Variants in PCP4 observed in about 807,000 individuals in gnomAD.
PCP4 encodes the protein Purkinje cell protein 4.
Under a neutral mutation model 10.0 loss-of-function variants are expected in PCP4, and 8 were observed. That is an observed-to-expected ratio of 0.80 (90% confidence interval 0.47 to 1.45). PCP4 has a LOEUF of 1.45. Ranked by LOEUF, PCP4 falls within the 40% of genes most tolerant of loss-of-function variation. PCP4 has a pLI of 0.00. For missense variants in PCP4, 54 were observed against 74.4 expected, an observed-to-expected ratio of 0.73 and a Z score of 1.01; for synonymous variants, 21 against 23.0, an observed-to-expected ratio of 0.91 and a Z score of 0.24.
In PCP4 at chr21:39,867,438, A is replaced by G. The variant is rs1189755158; in HGVS notation, c.-64A>G. The G allele has an allele frequency of 6.2e-7, 1 of 1,602,068 alleles. No homozygotes were observed. The highest frequency in any genetic ancestry group is 8.6e-7 in the Non-Finnish European group (1 of 1,169,192). On this transcript the variant is annotated 5_prime_UTR_variant, in exon 1 of 3. Coordinates refer to ENST00000328619, the MANE Select transcript of PCP4 (RefSeq NM_006198.3). ...AGAGAAAAGCCAGAACCGGTGGAGCAGCGACCCCTGAGCAGTGTTCTCTGT... is the reference window on the plus strand; with the variant it reads ...AGAGAAAAGCCAGAACCGGTGGAGCGGCGACCCCTGAGCAGTGTTCTCTGT...
intron 2 of PCP4, among the ~76,000 whole-genome samples, chr21:39,921,380 G>A (rs2087595884): frequency 1.3e-5 from 2 of 152,182 alleles, no homozygotes; most frequent in African/African-American, 4.8e-5. Flanking sequence ...GATCTTAAGC[G>A]AGGCCCTTCT....
intron 1 of PCP4, among the ~76,000 whole-genome samples, chr21:39,869,428 A>G (rs1305568134): frequency 1.3e-5 from 2 of 152,224 alleles, no homozygotes; most frequent in East Asian, 3.9e-4. Context: ...ACACATTTGC[A>G]GGTTCTTGCA....
intron 2 of PCP4, among the ~76,000 whole-genome samples, chr21:39,904,821 G>A (rs984744249): frequency 6.6e-6 from 1 of 152,152 alleles, no homozygotes; most frequent in Non-Finnish European, 1.5e-5. Context: ...CACACTGAGG[G>A]TCTAATATGC....
At chr21:39,890,359 T>G (rs1268628612) in intron 1 of PCP4, among the ~76,000 whole-genome samples, 3 of 152,028 alleles carry the variant, frequency 2.0e-5, no homozygotes, top group Non-Finnish European at 4.4e-5. Flanking sequence ...TCGTTATCTA[T>G]TTATTTATTT....
At chr21:39,895,227 C>A (rs572445242) in intron 1 of PCP4, among the ~76,000 whole-genome samples, 1 of 152,228 alleles carries the variant, frequency 6.6e-6, no homozygotes, top group Non-Finnish European at 1.5e-5. Flanking sequence ...AACTACTCAT[C>A]CATTCATCTA....
At chr21:39,920,740 T>C (rs2087593211) in intron 2 of PCP4, among the ~76,000 whole-genome samples, 1 of 152,256 alleles carries the variant, frequency 6.6e-6, no homozygotes, top group African/African-American at 2.4e-5. Flanking sequence ...TTTTCATGTC[T>C]GTTAATTTCC....
intron 2 of PCP4, among the ~76,000 whole-genome samples, chr21:39,916,962 G>A (rs2087571229): frequency 6.6e-6 from 1 of 152,188 alleles, no homozygotes; most frequent in Non-Finnish European, 1.5e-5. Flanking sequence ...AGAGCATCAG[G>A]AAGAATAGCT....
At chr21:39,884,669 T>TA (rs2087391396) in intron 1 of PCP4, among the ~76,000 whole-genome samples, 1 of 151,870 alleles carries the variant, frequency 6.6e-6, no homozygotes, top group Non-Finnish European at 1.5e-5. Context: ...TGGTGGCATG[T>TA]GCCTGTAATC....
intron 2 of PCP4, among the ~76,000 whole-genome samples, chr21:39,910,498 G>A (rs2087534383): frequency 6.6e-6 from 1 of 152,046 alleles, no homozygotes; most frequent in African/African-American, 2.4e-5. Context: ...TGTTTTTATA[G>A]TGAGCTTTGA....
chr21:39,895,719 G>C (rs919364239), intron 1 of PCP4, among the ~76,000 whole-genome samples: 2 of 152,214 alleles, frequency 1.3e-5, no homozygotes, highest in African/African-American at 4.8e-5. Flanking sequence ...GATGGTGCTT[G>C]AGCGCCCTTG....
At chr21:39,926,149 C>A (rs2087620440) in intron 2 of PCP4, 2 of 449,110 alleles carry the variant, frequency 4.5e-6, no homozygotes, top group Non-Finnish European at 9.0e-6. Flanking sequence ...GCCCCGGGAA[C>A]TGGACTCTCT....
chr21:39,892,374 A>G (rs937365505), intron 1 of PCP4, among the ~76,000 whole-genome samples: 3 of 152,026 alleles, frequency 2.0e-5, no homozygotes, highest in Admixed American at 1.3e-4. Context: ...TATTCTAACT[A>G]TTTTCTTTAT....
At chr21:39,877,800 G>T (rs922930051) in intron 1 of PCP4, among the ~76,000 whole-genome samples, 6 of 152,200 alleles carry the variant, frequency 3.9e-5, no homozygotes, top group Non-Finnish European at 7.3e-5. Flanking sequence ...TGACTTTGAG[G>T]TTATACCAAT....
intron 1 of PCP4, among the ~76,000 whole-genome samples, chr21:39,890,554 A>T (rs1250861345): frequency 6.6e-6 from 1 of 150,806 alleles, no homozygotes; most frequent in Non-Finnish European, 1.5e-5. Context: ...TTTTTAGTAG[A>T]GACGGGTTTT....
intron 1 of PCP4, among the ~76,000 whole-genome samples, chr21:39,877,063 T>G (rs756187496): frequency 8.5e-5 from 13 of 152,226 alleles, no homozygotes; most frequent in Admixed American, 1.3e-4. Flanking sequence ...ACAGAGCTTC[T>G]TCAGAGAAAA....
chr21:39,910,981 G>A (rs978464106), intron 2 of PCP4, among the ~76,000 whole-genome samples: 3 of 152,172 alleles, frequency 2.0e-5, no homozygotes, highest in Non-Finnish European at 4.4e-5. Flanking sequence ...AGCATTGTAC[G>A]ACGACATTGT....
At chr21:39,883,806 T>C (rs574425369) in intron 1 of PCP4, among the ~76,000 whole-genome samples, 1 of 152,322 alleles carries the variant, frequency 6.6e-6, no homozygotes, top group East Asian at 1.9e-4. Flanking sequence ...TTTTACTATA[T>C]TGCAAGTTGA....
chr21:39,897,081 T>C (rs768766641), intron 1 of PCP4, among the ~76,000 whole-genome samples: 3 of 152,102 alleles, frequency 2.0e-5, no homozygotes, highest in Non-Finnish European at 4.4e-5. Context: ...ACCTCCCTCA[T>C]TTTCTTCATC....
intron 2 of PCP4, among the ~76,000 whole-genome samples, chr21:39,920,393 G>A (rs569210432): frequency 5.3e-5 from 8 of 150,294 alleles, no homozygotes; most frequent in Admixed American, 2.0e-4. Flanking sequence ...TGGTGTGTGC[G>A]TGGTGTGTTT....
Sources: allele counts gnomAD v4.1 joint callset (sites outside exome capture counted in the v4.1 genomes callset), GRCh38; gene constraint gnomAD v4.1.1; transcripts MANE v1.5; gene names NCBI Gene and HGNC (gene_info 2026-07-23, HGNC 2026-07-21).